VSIG10: variants seen among roughly 807,000 people sequenced by gnomAD.
VSIG10 encodes V-set and immunoglobulin domain containing 10.
Under a neutral mutation model 58.7 loss-of-function variants are expected in VSIG10, and 48 were observed. That is an observed-to-expected ratio of 0.82 (90% CI 0.65 to 1.04). The LOEUF (loss-of-function observed/expected upper bound fraction) is 1.04, where lower values mean the gene tolerates loss of function less well. Among genes scored for constraint, VSIG10 ranks in the 50% least tolerant of loss-of-function variants. The probability of loss-of-function intolerance (pLI) is 0.00; values close to 1 mark genes in which losing one functional copy is unlikely to be tolerated. For synonymous variants in VSIG10, 260 were observed against 267.1 expected (o/e 0.97, Z 0.26); for missense variants, 628 against 670.0 (o/e 0.94, Z 0.69).
At position 118,085,881 on chromosome 12, in the gene VSIG10, G is replaced by T. The variant is rs1358607205; in HGVS notation, c.362-3452C>A. Among the ~76,000 whole-genome samples, 8 of 150,880 alleles carry T rather than the reference G, an allele frequency of 5.3e-5. No individual in the cohort carries two copies. In the Admixed American group the frequency reaches 5.3e-4, roughly 10 times the overall value. Reference sequence around the variant, plus strand: ...AAAAAAAAAAAAAAGTTGGGCCCAGGCATGATGGCTCACGCCTGTAATCCC... The same window carrying T: ...AAAAAAAAAAAAAAGTTGGGCCCAGTCATGATGGCTCACGCCTGTAATCCC... On this transcript the variant is annotated intron_variant, in intron 2 of 8. Transcript: ENST00000359236.
At chr12:118,099,255 TTTTG>T (rs376201731) in intron 1 of VSIG10, among the ~76,000 whole-genome samples, 3 of 151,940 alleles carry the variant, frequency 2.0e-5, no homozygotes, top group Admixed American at 1.3e-4. Context: ...CTGTCTCTCT[TTTTG>T]TTTGTTTAAG....
intron 8 of VSIG10, among the ~76,000 whole-genome samples, chr12:118,067,366 C>G (rs191061308): frequency 1.3e-5 from 2 of 152,018 alleles, no homozygotes; most frequent in Admixed American, 1.3e-4. Flanking sequence ...CAAATATCTT[C>G]CTGCAACAGC....
chr12:118,094,602 T>C (rs939412958), intron 2 of VSIG10, among the ~76,000 whole-genome samples: 1 of 152,056 alleles, frequency 6.6e-6, no homozygotes, highest in African/African-American at 2.4e-5. Flanking sequence ...CAGGCTGGTC[T>C]TGAACTCCTG....
At chr12:118,075,224 G>GTA (rs33926283) in intron 4 of VSIG10, among the ~76,000 whole-genome samples, 34 of 148,724 alleles carry the variant, frequency 2.3e-4, no homozygotes, top group South Asian at 8.4e-4. Flanking sequence ...GTGTGTGTGT[G>GTA]TATATATATA....
chr12:118,072,198 G>T (rs2032523825), intron 5 of VSIG10, among the ~76,000 whole-genome samples: 1 of 151,794 alleles, frequency 6.6e-6, no homozygotes, highest in African/African-American at 2.4e-5. Flanking sequence ...GGGCGCGGTG[G>T]CTCACGCCTG....
chr12:118,074,120 T>C (rs939450262), intron 4 of VSIG10, 128 bp from the exon 5 acceptor site: 4 of 1,133,556 alleles, frequency 3.5e-6, no homozygotes, highest in Non-Finnish European at 4.8e-6. Context: ...TTTTGCTCTG[T>C]TGCCCAGGCT....
intron 2 of VSIG10, among the ~76,000 whole-genome samples, chr12:118,092,836 A>G (rs986384981): frequency 6.6e-6 from 1 of 151,906 alleles, no homozygotes; most frequent in African/African-American, 2.4e-5. Context: ...GGGTCTTGCT[A>G]TGTTGCCAGG....
intron 4 of VSIG10, among the ~76,000 whole-genome samples, chr12:118,078,567 A>G (rs1387254186): frequency 6.6e-6 from 1 of 152,128 alleles, no homozygotes; most frequent in African/African-American, 2.4e-5. Flanking sequence ...TCATGAGCAG[A>G]AGCAGCCTGA....
intron 4 of VSIG10, among the ~76,000 whole-genome samples, chr12:118,075,098 ATGTATATATG>A (rs1372940407): frequency 2.0e-5 from 3 of 149,222 alleles, no homozygotes; most frequent in African/African-American, 7.3e-5. Context: ...ATATGTATAT[ATGTATATATG>A]TGTATATGTA....
intron 2 of VSIG10, among the ~76,000 whole-genome samples, chr12:118,085,586 G>T (rs554071566): frequency 6.6e-6 from 1 of 152,368 alleles, no homozygotes; most frequent in Non-Finnish European, 1.5e-5. Context: ...AGTTGGCTGG[G>T]CATGATGGCT....
intron 2 of VSIG10, among the ~76,000 whole-genome samples, chr12:118,088,634 C>T (rs2033202524): frequency 1.3e-5 from 2 of 152,328 alleles, no homozygotes; most frequent in East Asian, 1.9e-4. Context: ...AGAGATGTCA[C>T]GCCCTCCCCG....
At chr12:118,072,876 G>A (rs1239010066) in intron 5 of VSIG10, among the ~76,000 whole-genome samples, 1 of 152,070 alleles carries the variant, frequency 6.6e-6, no homozygotes, top group Non-Finnish European at 1.5e-5. Context: ...TTTTTTTAGT[G>A]TAAGTATGTC....
intron 1 of VSIG10, among the ~76,000 whole-genome samples, chr12:118,100,908 T>TCAGAGTTA (rs1379064652): frequency 6.6e-6 from 1 of 152,216 alleles, no homozygotes; most frequent in Non-Finnish European, 1.5e-5. Context: ...AAGATGAACT[T>TCAGAGTTA]CAGAGTTACA....
intron 2 of VSIG10, among the ~76,000 whole-genome samples, chr12:118,085,791 G>A (rs1444322171): frequency 1.3e-5 from 2 of 149,350 alleles, no homozygotes; most frequent in African/African-American, 2.5e-5. Flanking sequence ...GAACTCAGGA[G>A]GCAGAGGTTG....
intron 2 of VSIG10, among the ~76,000 whole-genome samples, chr12:118,085,249 T>C (rs2033086678): frequency 2.0e-5 from 3 of 152,100 alleles, no homozygotes; most frequent in Admixed American, 2.0e-4. Flanking sequence ...CCAGGAAACA[T>C]GGATCTTTCT....
At chr12:118,083,149 A>G (rs1392773999) in intron 2 of VSIG10, among the ~76,000 whole-genome samples, 1 of 129,406 alleles carries the variant, frequency 7.7e-6, no homozygotes, top group Non-Finnish European at 1.6e-5. Flanking sequence ...AAAAAAAAAA[A>G]TCACTGCAAG....
chr12:118,095,060 C>T (rs907875437), intron 2 of VSIG10, among the ~76,000 whole-genome samples: 5 of 152,190 alleles, frequency 3.3e-5, no homozygotes, highest in African/African-American at 9.6e-5. Context: ...CGCGCCACCA[C>T]GCTCAGCTAA....
rs200679864 is a variant in VSIG10, at chr12:118,091,133, T to TCAAA, written c.361+4396_361+4399dup. 9.2e-3 allele frequency among the ~76,000 whole-genome samples: 1,399 copies of TCAAA among 151,824 alleles called. 20 individuals carry two copies. Among genetic ancestry groups the TCAAA allele is most frequent in the African/African-American group, 0.033 (1,358 of 41,444 alleles). On this transcript the variant is annotated intron_variant, in intron 2 of 8. Coordinates refer to ENST00000359236, the MANE Select transcript of VSIG10 (RefSeq NM_019086.6). ...CTGGACGACAGAGGGAGAATCTGTC[T>TCAAA]CAAACAAACAAACAACAACAAAAAA...
chr12:118,068,166 T>A (rs908556573), intron 8 of VSIG10, among the ~76,000 whole-genome samples: 4 of 148,478 alleles, frequency 2.7e-5, no homozygotes, highest in Non-Finnish European at 4.5e-5. Context: ...GGAACACAGG[T>A]GCACACCACC....
Sources: allele counts gnomAD v4.1 joint callset (sites outside exome capture counted in the v4.1 genomes callset), GRCh38; gene constraint gnomAD v4.1.1; transcripts MANE v1.5; gene names NCBI Gene and HGNC (gene_info 2026-07-23, HGNC 2026-07-21).